The following GRIP2 variants were observed in gnomAD, a reference collection of about 807,000 sequenced individuals.
GRIP2 encodes the protein glutamate receptor-interacting protein 2.
GRIP2 carries 58 observed loss-of-function variants against 108.3 expected under a neutral mutation model. That is an observed-to-expected ratio of 0.54 (90% CI 0.43 to 0.67). The LOEUF is 0.67. Among genes scored for constraint, GRIP2 ranks in the 30% least tolerant of loss-of-function variants. The pLI is 0.00. For synonymous variants in GRIP2, 586 were observed against 598.2 expected (o/e 0.98, Z 0.30); for missense variants, 1,278 against 1,430.6 (o/e 0.89, Z 1.72).
At chr3:14,588,519 G>C in the GRIP2 span, among the ~76,000 whole-genome samples, 1 of 152,012 alleles carries the variant, frequency 6.6e-6, no homozygotes, top group African/African-American at 2.4e-5. Flanking sequence ...GACCCAGGTG[G>C]CCACTGATGT....
At chr3:14,582,545 A>G in the GRIP2 span, among the ~76,000 whole-genome samples, 1 of 152,164 alleles carries the variant, frequency 6.6e-6, no homozygotes, top group Non-Finnish European at 1.5e-5. Flanking sequence ...TGGAGAAGAG[A>G]GGAAGGGAGG....
chr3:14,582,054 G>A, the GRIP2 span, among the ~76,000 whole-genome samples: 1 of 152,176 alleles, frequency 6.6e-6, no homozygotes, highest in Admixed American at 6.5e-5. Flanking sequence ...GAGAGATACT[G>A]GTCAGGAGCA....
rs1464128929 is a variant in GRIP2, at chr3:14,517,781, G to T, written c.1147C>A (p.Gln383Lys). ...PTWATPAGQD[Q>K]SRSLSSTPFS... Reference sequence around the variant, plus strand: ...AGGGCAGGCACATTACATCGGCTTTGGTCCTGGCCAGCAGGTGTGGCCCAG... The same window carrying T: ...AGGGCAGGCACATTACATCGGCTTTTGTCCTGGCCAGCAGGTGTGGCCCAG... Residue 383 changes from glutamine (Q) to lysine (K), a missense_variant, in exon 10 of 24, where the codon CAA (glutamine) becomes AAA (lysine). Coordinates refer to ENST00000621039, the MANE Select transcript of GRIP2 (RefSeq NM_001080423.4). 6 of 1,609,964 alleles carry T rather than the reference G, an allele frequency of 3.7e-6. No homozygotes were observed. The African/African-American group carries it at 4.0e-5, about 11-fold the overall frequency.
Position 14,514,440 on chromosome 3 carries a change from T to C in GRIP2, c.1345A>G (p.Ile449Val). Residue 449 changes from isoleucine to valine, a missense_variant, in exon 12 of 24, where the codon ATT becomes GTT. Coordinates refer to ENST00000621039, the MANE Select transcript of GRIP2 (RefSeq NM_001080423.4). ...ASSTVGPGGQ[I>V]VHTETTEVVL... ...ACCTCCGTGGTCTCCGTGTGCACAATCTGCCCGCCCGGCCCCACCGTGCTG... is the reference window on the plus strand; with the variant it reads ...ACCTCCGTGGTCTCCGTGTGCACAACCTGCCCGCCCGGCCCCACCGTGCTG... The C allele has an allele frequency of 6.3e-7, 1 of 1,578,118 alleles. No homozygotes were observed.
chr3:14,574,008 T>G, the GRIP2 span: 1 of 1,300,452 alleles, frequency 7.7e-7, no homozygotes, highest in Non-Finnish European at 1.1e-6. Flanking sequence ...GGCACCCAGG[T>G]GGATGAGGGC....
At chr3:14,498,667 A>C in intron 21 of GRIP2, among the ~76,000 whole-genome samples, 1 of 152,162 alleles carries the variant, frequency 6.6e-6, no homozygotes, top group East Asian at 1.9e-4. Flanking sequence ...AAAACACAGA[A>C]TCAGGGAGTC....
intron 22 of GRIP2, 92 bp from the exon 23 acceptor site, chr3:14,495,081 G>T: frequency 6.6e-7 from 1 of 1,505,076 alleles, no homozygotes; most frequent in African/African-American, 1.4e-5. Flanking sequence ...GGCATTCAGC[G>T]CCTCTGGCCA....
intron 10 of GRIP2, among the ~76,000 whole-genome samples, chr3:14,517,495 T>TC (rs1491421241): frequency 2.2e-4 from 3 of 13,942 alleles, no homozygotes; most frequent in South Asian, 0.012. Flanking sequence ...TCTCTCTCTC[T>TC]TTTTTTTTTT....
chr3:14,597,287 G>C, the GRIP2 span, among the ~76,000 whole-genome samples: 1 of 152,194 alleles, frequency 6.6e-6, no homozygotes, highest in Non-Finnish European at 1.5e-5. Flanking sequence ...ATGAGAAATA[G>C]GGAACTGGGT....
At chr3:14,568,856 C>T in the GRIP2 span, among the ~76,000 whole-genome samples, 2 of 152,200 alleles carry the variant, frequency 1.3e-5, no homozygotes, top group Admixed American at 6.5e-5. Context: ...ATGGGCAGGC[C>T]GTGCAGTCAG....
chr3:14,563,595 G>T, the GRIP2 span, among the ~76,000 whole-genome samples: 1 of 152,036 alleles, frequency 6.6e-6, no homozygotes, highest in Admixed American at 6.5e-5. Context: ...CTTTGCCTGG[G>T]GCTTTAACAC....
chr3:14,543,546 T>C (rs1212897911), upstream of GRIP2, among the ~76,000 whole-genome samples: 1 of 152,260 alleles, frequency 6.6e-6, no homozygotes, highest in African/African-American at 2.4e-5. Flanking sequence ...GCAAAGCTGC[T>C]GCTTGATCAC....
At chr3:14,541,717 A>C (rs1694974571), upstream of GRIP2, among the ~76,000 whole-genome samples, 3 of 152,334 alleles carry the variant, frequency 2.0e-5, no homozygotes, top group South Asian at 6.2e-4. Flanking sequence ...TTCTGGGGGA[A>C]GGGTCCAGGT....
chr3:14,542,613 G>T (rs1032419881), upstream of GRIP2, among the ~76,000 whole-genome samples: 4 of 152,262 alleles, frequency 2.6e-5, no homozygotes, highest in African/African-American at 9.6e-5. Flanking sequence ...GGACCCCCAA[G>T]CTCCTGGAAA....
the GRIP2 span, chr3:14,572,830 C>G: frequency 9.7e-7 from 1 of 1,027,710 alleles, no homozygotes; most frequent in Non-Finnish European, 1.5e-6. Context: ...GCGCATGGTC[C>G]CTGGAGCCCG....
chr3:14,585,498 C>T, the GRIP2 span, among the ~76,000 whole-genome samples: 21 of 152,210 alleles, frequency 1.4e-4, no homozygotes, highest in South Asian at 2.1e-4. Context: ...CCCATTAGGC[C>T]CCCACTTCTG....
chr3:14,583,781 ATATT>A, the GRIP2 span, among the ~76,000 whole-genome samples: 5 of 152,198 alleles, frequency 3.3e-5, no homozygotes, highest in African/African-American at 4.8e-5. Flanking sequence ...TGTGTCATGC[ATATT>A]TATTAGGAAG....
At chr3:14,572,151 G>A in the GRIP2 span, among the ~76,000 whole-genome samples, 52 of 152,156 alleles carry the variant, frequency 3.4e-4, no homozygotes, top group African/African-American at 1.1e-3. Flanking sequence ...TTTAGGCACC[G>A]GAGTATTCAC....
chr3:14,534,312 G>A (rs1486774411), intron 1 of GRIP2, among the ~76,000 whole-genome samples: 2 of 152,204 alleles, frequency 1.3e-5, no homozygotes, highest in African/African-American at 2.4e-5. Context: ...CAGAGCTTGA[G>A]AAGTTGAGGG....
Sources: gnomAD v4.1 joint callset for allele counts (sites outside exome capture counted in the v4.1 genomes callset) on GRCh38, gnomAD v4.1.1 for gene constraint, MANE v1.5 for transcripts, NCBI Gene and HGNC (gene_info 2026-07-23, HGNC 2026-07-21) for gene names.